P3H2: variants seen among roughly 807,000 people sequenced by gnomAD.
P3H2 encodes the protein prolyl 3-hydroxylase 2, also known as leprecan-like 1.
Under a neutral mutation model 87.0 loss-of-function variants are expected in P3H2, and 80 were observed. The observed-to-expected ratio is 0.92, with a 90% CI of 0.77 to 1.11. The LOEUF (loss-of-function observed/expected upper bound fraction) is 1.11, where lower values mean the gene tolerates loss of function less well. Among genes scored for constraint, P3H2 ranks in the 50% least tolerant of loss-of-function variants. The pLI, the probability that P3H2 is intolerant of heterozygous loss-of-function variation, is 0.00. For synonymous variants in P3H2, 367 were observed against 359.3 expected, an observed-to-expected ratio of 1.02 and a Z score of -0.24; for missense variants, 1,001 against 923.9, an observed-to-expected ratio of 1.08 and a Z score of -1.08.
intron 9 of P3H2, 57 bp downstream of exon 9, chr3:189,974,501 G>A: frequency 6.2e-7 from 1 of 1,610,634 alleles, no homozygotes; most frequent in Non-Finnish European, 8.5e-7. Flanking sequence ...GACCAAAGCA[G>A]TTCCAGCTTC....
At chr3:190,058,232 G>T (rs1196967929) in intron 1 of P3H2, among the ~76,000 whole-genome samples, 6 of 152,160 alleles carry the variant, frequency 3.9e-5, no homozygotes, top group African/African-American at 1.4e-4. Context: ...CAACTGGCTT[G>T]TTGAAGTCCT....
intron 1 of P3H2, among the ~76,000 whole-genome samples, chr3:190,012,207 G>GGGGTGTGT (rs1283396692): frequency 1.4e-5 from 2 of 145,588 alleles, no homozygotes; most frequent in Non-Finnish European, 3.0e-5. Flanking sequence ...TGTAGGTAAA[G>GGGGTGTGT]GTGTGTGTGT....
chr3:190,051,345 T>C (rs932253822), intron 1 of P3H2, among the ~76,000 whole-genome samples: 10 of 93,292 alleles, frequency 1.1e-4, no homozygotes, highest in Non-Finnish European at 1.9e-4. Context: ...AAAAATGACA[T>C]AGAATTTTAT....
At chr3:190,017,248 G>A (rs1011258030) in intron 1 of P3H2, among the ~76,000 whole-genome samples, 1 of 151,764 alleles carries the variant, frequency 6.6e-6, no homozygotes, top group Non-Finnish European at 1.5e-5. Flanking sequence ...TCATTTCTTT[G>A]TTCTTCATAA....
In P3H2 at chr3:190,005,318, CAT is replaced by C. The variant is rs368770234; in HGVS notation, c.481-9878_481-9877del. Among the ~76,000 whole-genome samples, 666 of 152,310 alleles carry C rather than the reference CAT, an allele frequency of 4.4e-3. 5 individuals are homozygous for C. The highest frequency in any genetic ancestry group is 0.015 in the African/African-American group (642 of 41,560). On this transcript the variant is annotated intron_variant, in intron 1 of 14. Transcript: ENST00000319332. ...ATTTAGTGTTTCTCCTGTAAGTCCA[CAT>C]GTTTCCTGAGTAGACTGCATGGGGG... is the stretch of plus-strand genomic sequence containing the variant.
At chr3:189,993,352 C>G (rs1723941516) in intron 3 of P3H2, among the ~76,000 whole-genome samples, 1 of 150,066 alleles carries the variant, frequency 6.7e-6, no homozygotes, top group African/African-American at 2.4e-5. Flanking sequence ...AGCTTTTCTT[C>G]TCCTAATATT....
At chr3:190,097,387 T>C (rs145634949) in intron 1 of P3H2, among the ~76,000 whole-genome samples, 1 of 152,306 alleles carries the variant, frequency 6.6e-6, no homozygotes, top group Admixed American at 6.5e-5. Context: ...GTTCCTCATA[T>C]ATAGTTCAAT....
chr3:190,114,169 C>T (rs1341432196), intron 1 of P3H2, among the ~76,000 whole-genome samples: 1 of 147,018 alleles, frequency 6.8e-6, no homozygotes, highest in Non-Finnish European at 1.5e-5. Context: ...AATTGCTGCC[C>T]TCATCTAATT....
intron 1 of P3H2, among the ~76,000 whole-genome samples, chr3:190,042,601 C>A (rs931761043): frequency 1.3e-5 from 2 of 152,190 alleles, no homozygotes; most frequent in African/African-American, 2.4e-5. Flanking sequence ...AATGTAGAAT[C>A]TTCCTTCGGA....
intron 1 of P3H2, among the ~76,000 whole-genome samples, chr3:190,028,057 T>TA (rs749171262): frequency 2.6e-5 from 4 of 152,180 alleles, no homozygotes; most frequent in Non-Finnish European, 5.9e-5. Context: ...CTTGGTCTTT[T>TA]ATTTAAGGTG....
At chr3:190,028,946 AG>A (rs1725170166) in intron 1 of P3H2, among the ~76,000 whole-genome samples, 1 of 152,168 alleles carries the variant, frequency 6.6e-6, no homozygotes, top group South Asian at 2.1e-4. Flanking sequence ...GTCTAGGGAG[AG>A]GAGTGTGGGG....
chr3:189,980,274 T>C lies in P3H2; in HGVS notation c.1324+2772A>G, dbSNP rs150371824. On this transcript the variant is annotated intron_variant, in intron 8 of 14. Coordinates refer to ENST00000319332, the MANE Select transcript of P3H2 (RefSeq NM_018192.4). ...ATCCCCTTTTAGTCAGATTAAGATA[T>C]GAAAATGTTGCTGGGCGTGGTGGCT... Among the ~76,000 whole-genome samples the C allele has an allele frequency of 3.2e-3, 482 of 152,240 alleles. 6 individuals carry two copies. The highest frequency in any genetic ancestry group is 0.011 in the African/African-American group (454 of 41,550).
intron 1 of P3H2, among the ~76,000 whole-genome samples, chr3:190,120,016 T>G (rs1354961481): frequency 1.3e-5 from 2 of 152,206 alleles, no homozygotes; most frequent in African/African-American, 2.4e-5. Flanking sequence ...ATCAGGACAG[T>G]CCTCTTTTTG....
chr3:189,970,806 G>A lies in P3H2; in HGVS notation c.1893+10C>T. 1.3e-6 allele frequency: 2 copies of A among 1,516,586 alleles called. No individual in the cohort carries two copies. The highest frequency in any genetic ancestry group is 1.8e-6 in the Non-Finnish European group (2 of 1,091,588). 93.9% of individuals were successfully genotyped at this position (1,516,586 alleles called of 1,614,324 possible). ...ATACTAAATAAGTATTCAAGAATAG[G>A]TTTACTTACAGTCACAGTCTTAGCA... On this transcript the variant is annotated intron_variant, in intron 13 of 14. Coordinates refer to ENST00000319332, the MANE Select transcript of P3H2 (RefSeq NM_018192.4).
intron 1 of P3H2, among the ~76,000 whole-genome samples, chr3:190,101,366 C>T (rs556712943): frequency 1.4e-4 from 4 of 29,324 alleles, no homozygotes; most frequent in East Asian, 1.3e-3. Context: ...AAATCATGAA[C>T]GCAAAAAAAA....
intron 1 of P3H2, among the ~76,000 whole-genome samples, chr3:190,092,617 T>C (rs1335329082): frequency 1.3e-5 from 2 of 152,244 alleles, no homozygotes; most frequent in Admixed American, 6.5e-5. Context: ...AGCTGCCTTA[T>C]TAAGAGGATT....
Position 189,989,152 on chromosome 3 carries a change from A to G in P3H2, c.824-114T>C, listed in dbSNP as rs145063028. ...TCACCTCACCACACTGGAAGACCAA[A>G]TTATTATAATCCTCACTTCCGGACT... On this transcript the variant is annotated intron_variant, in intron 3 of 14. Transcript: ENST00000319332. The G allele has an allele frequency of 2.4e-6, 3 of 1,258,582 alleles. No homozygotes were observed. The African/African-American group carries it at 4.4e-5, about 18-fold the overall frequency. The allele number at this position is 1,258,582 out of a possible 1,614,324, so 78.0% of individuals were successfully genotyped here.
intron 1 of P3H2, among the ~76,000 whole-genome samples, chr3:190,080,662 A>G (rs13063310): frequency 1.2e-3 from 182 of 152,146 alleles, no homozygotes; most frequent in South Asian, 2.9e-3. Flanking sequence ...TCGGCCTCCC[A>G]AAGTGCTGGG....
At chr3:189,958,509 A>G (rs1227624716) in intron 14 of P3H2, among the ~76,000 whole-genome samples, 1 of 140,326 alleles carries the variant, frequency 7.1e-6, no homozygotes, top group African/African-American at 2.7e-5. Flanking sequence ...GGGTTTCTCA[A>G]TTTTGGTCTG....
Sources: gnomAD v4.1 joint callset for allele counts (sites outside exome capture counted in the v4.1 genomes callset) on GRCh38, gnomAD v4.1.1 for gene constraint, MANE v1.5 for transcripts, NCBI Gene and HGNC (gene_info 2026-07-23, HGNC 2026-07-21) for gene names.